The following RABGAP1L variants were observed in gnomAD, a reference collection of about 807,000 sequenced individuals.
RABGAP1L encodes RAB GTPase activating protein 1 like, also known as rab GTPase-activating protein 1-like.
RABGAP1L carries 63 observed loss-of-function variants against 137.7 expected under a neutral mutation model. That is an observed-to-expected ratio of 0.46 (90% CI 0.37 to 0.56). The LOEUF (loss-of-function observed/expected upper bound fraction) is 0.56. Ranked by LOEUF, RABGAP1L falls within the 20% of genes least tolerant of loss-of-function variation. The pLI, the probability that RABGAP1L is intolerant of heterozygous loss-of-function variation, is 0.00. For synonymous variants in RABGAP1L, 431 were observed against 433.7 expected (o/e 0.99, Z 0.08); for missense variants, 1,095 against 1,244.0 (o/e 0.88, Z 1.80).
chr1:174,670,302 A>G (rs1348138587), intron 14 of RABGAP1L, among the ~76,000 whole-genome samples: 1 of 151,966 alleles, frequency 6.6e-6, no homozygotes, highest in African/African-American at 2.4e-5. Context: ...GGGATACATG[A>G]GATGTTTTGA....
chr1:174,325,272 C>G (rs1680338229), intron 11 of RABGAP1L, among the ~76,000 whole-genome samples: 1 of 152,178 alleles, frequency 6.6e-6, no homozygotes. Context: ...GTGGCAGTTT[C>G]TCAGACATCT....
At chr1:174,383,478 G>T (rs1440364685) in intron 12 of RABGAP1L, among the ~76,000 whole-genome samples, 1 of 152,202 alleles carries the variant, frequency 6.6e-6, no homozygotes, top group Non-Finnish European at 1.5e-5. Context: ...CCAGGTGTGG[G>T]ATATAATCTC....
chr1:174,436,974 T>C (rs1653419902), intron 13 of RABGAP1L, among the ~76,000 whole-genome samples: 1 of 152,256 alleles, frequency 6.6e-6, no homozygotes, highest in Non-Finnish European at 1.5e-5. Context: ...GGAGTGGACC[T>C]CCAGGAAACT....
intron 17 of RABGAP1L, among the ~76,000 whole-genome samples, chr1:174,736,596 G>T (rs1437438386): frequency 6.6e-6 from 1 of 152,232 alleles, no homozygotes; most frequent in Non-Finnish European, 1.5e-5. Context: ...CTGTGTGGGG[G>T]CTCCAGCCCC....
chr1:174,334,929 C>A (rs57366619), intron 11 of RABGAP1L, among the ~76,000 whole-genome samples: 87,305 of 151,966 alleles, frequency 0.57, 27,455 homozygotes, highest in African/African-American at 0.85. Flanking sequence ...ACATAAAATA[C>A]AATTTTCAAT....
intron 13 of RABGAP1L, among the ~76,000 whole-genome samples, chr1:174,444,781 G>A (rs1201480944): frequency 6.6e-6 from 1 of 151,954 alleles, no homozygotes; most frequent in African/African-American, 2.4e-5. Context: ...GGAGTCAATT[G>A]TAATGTCTTT....
rs1358144723 is a variant in RABGAP1L at position 174,305,088 on chromosome 1, G to A, written c.1426G>A (p.Gly476Arg). The A allele has an allele frequency of 4.5e-6, 7 of 1,552,670 alleles. No individual in the cohort carries two copies. Among genetic ancestry groups the A allele is most frequent in the Non-Finnish European group, 5.2e-6 (6 of 1,156,982 alleles). ...GGAACCAGTCACTCCTACTAGTGGA[G>A]GGGGTCCAATGTCACCCCAGGATGA... ...KEEPVTPTSG[G>R]GPMSPQDDEA... is the part of the protein sequence containing the mutation. The change falls in exon 11 of 26, where the codon GGG becomes AGG. Residue 476 changes from glycine (G) to arginine (R), a missense_variant. This residue lies in a region of RABGAP1L where 315 missense variants were observed against 324.8 expected (regional missense o/e 0.97). Coordinates refer to ENST00000681986, the MANE Select transcript of RABGAP1L (RefSeq NM_001366446.1).
chr1:174,849,909 C>T (rs539656188), intron 19 of RABGAP1L: 1 of 604,376 alleles, frequency 1.7e-6, no homozygotes, highest in South Asian at 1.4e-5. Context: ...CAGCTCTTGA[C>T]ATCTTTCAGC....
intron 11 of RABGAP1L, among the ~76,000 whole-genome samples, chr1:174,306,874 G>A (rs573627586): frequency 2.0e-5 from 3 of 152,118 alleles, no homozygotes; most frequent in East Asian, 3.9e-4. Context: ...TGCTTCTAGG[G>A]TATGGTTTAT....
At chr1:174,616,087 G>C (rs1238318001) in intron 13 of RABGAP1L, among the ~76,000 whole-genome samples, 1 of 152,226 alleles carries the variant, frequency 6.6e-6, no homozygotes. Flanking sequence ...TGCACCCACT[G>C]TCCTGTGCCC....
At chr1:174,874,333 A>G (rs2149064546) in intron 19 of RABGAP1L, 1 of 274,992 alleles carries the variant, frequency 3.6e-6, no homozygotes, top group Non-Finnish European at 5.5e-6. Context: ...GGAAACCAGG[A>G]ATCTATTCTC....
chr1:174,472,697 AG>A (rs1172567394), intron 13 of RABGAP1L, among the ~76,000 whole-genome samples: 5 of 152,212 alleles, frequency 3.3e-5, no homozygotes, highest in Non-Finnish European at 5.9e-5. Flanking sequence ...CTAGGAGTTC[AG>A]GGTTTTTATC....
chr1:174,363,928 T>C (rs1045000066), intron 11 of RABGAP1L, among the ~76,000 whole-genome samples: 4 of 146,210 alleles, frequency 2.7e-5, no homozygotes, highest in African/African-American at 7.4e-5. Context: ...TCTTTTAATG[T>C]ATTGTTGAAT....
At chr1:174,549,969 C>T (rs1044203575) in intron 13 of RABGAP1L, among the ~76,000 whole-genome samples, 1 of 152,072 alleles carries the variant, frequency 6.6e-6, no homozygotes, top group Non-Finnish European at 1.5e-5. Context: ...GAGTTGAAGG[C>T]TGCAGTGCAC....
At chr1:174,367,725 C>G (rs1684773357) in intron 11 of RABGAP1L, 1 of 184,138 alleles carries the variant, frequency 5.4e-6, no homozygotes, top group Non-Finnish European at 1.2e-5. Flanking sequence ...TTTTCCAATT[C>G]CAGATGATTT....
At position 174,990,551 on chromosome 1, in the gene RABGAP1L, G is replaced by A. The variant is rs1471921321; in HGVS notation, c.*550G>A. The A allele has an allele frequency of 6.6e-6, 1 of 152,176 alleles. No individual in the cohort carries two copies. The highest frequency in any genetic ancestry group is 6.6e-5 in the Admixed American group (1 of 15,264). 9.4% of individuals were successfully genotyped at this position (152,176 alleles called of 1,614,324 possible). A position where few individuals can be genotyped will look rare whatever the true frequency, so the allele number is the denominator to read the frequency against. On this transcript the variant is annotated 3_prime_UTR_variant, in exon 26 of 26. Transcript: ENST00000681986. ...TGTCCAAAGGAAAGAACCAATCAGC[G>A]ATCATTGGTTTACTTTCATTTTCTG...
intron 14 of RABGAP1L, among the ~76,000 whole-genome samples, chr1:174,663,575 T>C (rs1676548736): frequency 6.6e-6 from 1 of 152,208 alleles, no homozygotes; most frequent in Non-Finnish European, 1.5e-5. Flanking sequence ...GGAAGGGGAA[T>C]GCCTGTGCAT....
chr1:174,876,699 A>G (rs910222585), intron 19 of RABGAP1L, among the ~76,000 whole-genome samples: 20 of 152,194 alleles, frequency 1.3e-4, no homozygotes, highest in African/African-American at 4.8e-4. Context: ...ACTTTTATCT[A>G]TGGGAGCAAA....
intron 18 of RABGAP1L, among the ~76,000 whole-genome samples, chr1:174,801,589 G>T (rs1688761593): frequency 6.6e-6 from 1 of 152,146 alleles, no homozygotes; most frequent in African/African-American, 2.4e-5. Flanking sequence ...AAAGTTTGAT[G>T]CAGTGACTAG....
Sources: allele counts gnomAD v4.1 joint callset (sites outside exome capture counted in the v4.1 genomes callset), GRCh38; gene constraint gnomAD v4.1.1; regional missense constraint gnomAD v4.1.1; transcripts MANE v1.5; gene names NCBI Gene and HGNC (gene_info 2026-07-23, HGNC 2026-07-21).